The following NRROS variants were observed in gnomAD, a reference collection of about 807,000 sequenced individuals.
NRROS encodes negative regulator of reactive oxygen species, also known as transforming growth factor beta activator LRRC33.
NRROS carries 6 observed loss-of-function variants against 12.0 expected under a neutral mutation model. The observed-to-expected ratio is 0.50, with a 90% CI of 0.27 to 0.98. The LOEUF is 0.98. Ranked by LOEUF, NRROS falls within the 50% of genes least tolerant of loss-of-function variation. The probability of loss-of-function intolerance (pLI) is 0.11; values close to 1 mark genes in which losing one functional copy is unlikely to be tolerated. For missense variants in NRROS, 857 were observed against 888.2 expected (o/e 0.96, Z 0.45); for synonymous variants, 462 against 410.2 (o/e 1.13, Z -1.53).
chr3:196,661,394 G>A lies in NRROS; in HGVS notation c.1751G>A (p.Arg584Lys). ...AAGGCTGTGTCTGAGCAGCTCTCGA[G>A]AGGTCTGCGGACCATCTACCTCAGT... is the stretch of plus-strand genomic sequence containing the variant. ...PQKAVSEQLS[R>K]GLRTIYLSQN... The change falls in exon 3 of 3, where the codon AGA becomes AAA. Residue 584 changes from arginine to lysine, a missense_variant. Physicochemically the swap from Arg to Lys is conservative, Grantham distance 26 (BLOSUM62 2). Transcript: ENST00000328557. 2 of 1,570,774 alleles carry A rather than the reference G, an allele frequency of 1.3e-6. No individual in the cohort carries two copies. Among genetic ancestry groups the A allele is most frequent in the South Asian group, 1.2e-5 (1 of 83,768 alleles).
In NRROS at chr3:196,661,771, CTT is replaced by C. The variant is rs1560057528; in HGVS notation, c.*51_*52del. The C allele has an allele frequency of 6.9e-7, 1 of 1,457,130 alleles. No individual in the cohort carries two copies. The highest frequency in any genetic ancestry group is 9.2e-7 in the Non-Finnish European group (1 of 1,086,654). The allele number at this position is 1,457,130 out of a possible 1,614,324, so 90.3% of individuals were successfully genotyped here. ...AATTCGGTCCGCACACAACAGGACA[CTT>C]TCTCTGCCAGCTTTCAAGATGTGAT... is the stretch of plus-strand genomic sequence containing the variant. On this transcript the variant is annotated 3_prime_UTR_variant, in exon 3 of 3. Coordinates refer to ENST00000328557, the MANE Select transcript of NRROS (RefSeq NM_198565.3).
chr3:196,643,235 C>G (rs1000261907), intron 1 of NRROS, among the ~76,000 whole-genome samples: 4 of 152,142 alleles, frequency 2.6e-5, no homozygotes, highest in Non-Finnish European at 5.9e-5. Flanking sequence ...TAGGCGAAAC[C>G]AACCAATTTC....
In NRROS at chr3:196,654,875, C is replaced by A; in HGVS notation, c.108+228C>A. The A allele has an allele frequency of 1.9e-6, 1 of 523,432 alleles. No homozygotes were observed. Among genetic ancestry groups the A allele is most frequent in the Non-Finnish European group, 3.4e-6 (1 of 294,822 alleles). 32.4% of individuals were successfully genotyped at this position (523,432 alleles called of 1,614,324 possible). On this transcript the variant is annotated intron_variant, in intron 2 of 2. Coordinates refer to ENST00000328557, the MANE Select transcript of NRROS (RefSeq NM_198565.3). The surrounding 1 kb of genome is among the most constrained non-coding windows in gnomAD (Gnocchi z 4.4). Reference sequence around the variant, plus strand: ...CCCTGCCCCGCCGTTCTCACGCCTGCTGAGGATAGGAGGCATCCGAGACCA... The same window carrying A: ...CCCTGCCCCGCCGTTCTCACGCCTGATGAGGATAGGAGGCATCCGAGACCA...
In NRROS at chr3:196,660,330, G is replaced by A; in HGVS notation, c.687G>A (p.Arg229=). 1 of 1,614,020 alleles carries A rather than the reference G, an allele frequency of 6.2e-7. No individual in the cohort carries two copies. The highest frequency in any genetic ancestry group is 8.5e-7 in the Non-Finnish European group (1 of 1,180,018). The change falls in exon 3 of 3, where the codon CGG becomes CGA. Residue 229 remains arginine (R), a synonymous_variant. Coordinates refer to ENST00000328557, the MANE Select transcript of NRROS (RefSeq NM_198565.3). The surrounding 1 kb of genome is among the most constrained non-coding windows in gnomAD (Gnocchi z 7.7). ...CIVDFGLTRL[R]VLNVSYNVLE... ...TGGACTTCGGGCTCACGCGGCTGCG[G>A]GTCCTCAACGTCAGCTACAACGTCC...
At chr3:196,652,970 T>C (rs1239434147) in intron 1 of NRROS, among the ~76,000 whole-genome samples, 2 of 152,186 alleles carry the variant, frequency 1.3e-5, no homozygotes, top group Non-Finnish European at 2.9e-5. Context: ...TATAAGGATG[T>C]ATCTAGCATT....
At chr3:196,651,559 G>A (rs1474486734) in intron 1 of NRROS, among the ~76,000 whole-genome samples, 1 of 152,156 alleles carries the variant, frequency 6.6e-6, no homozygotes, top group Admixed American at 6.5e-5. Flanking sequence ...CTGAGGTCAT[G>A]AGATTGAGAC....
chr3:196,649,678 A>G (rs1272971948), intron 1 of NRROS, among the ~76,000 whole-genome samples: 3 of 152,052 alleles, frequency 2.0e-5, no homozygotes, highest in Non-Finnish European at 4.4e-5. Context: ...TCACTGTGTT[A>G]GCCAGGATGG....
At chr3:196,643,908 C>G (rs925167061) in intron 1 of NRROS, among the ~76,000 whole-genome samples, 1 of 152,196 alleles carries the variant, frequency 6.6e-6, no homozygotes, top group Non-Finnish European at 1.5e-5. Flanking sequence ...CAAGGCTGAG[C>G]CTTTTCCCTT....
intron 1 of NRROS, among the ~76,000 whole-genome samples, chr3:196,640,111 A>T (rs1245747590): frequency 6.6e-6 from 1 of 152,198 alleles, no homozygotes; most frequent in Non-Finnish European, 1.5e-5. Context: ...AGAGCTGAGA[A>T]AGGTGGTGCG....
chr3:196,648,557 G>A (rs139143590), intron 1 of NRROS, among the ~76,000 whole-genome samples: 8,242 of 151,854 alleles, frequency 0.054, 305 homozygotes, highest in Non-Finnish European at 0.077. Flanking sequence ...ACCTGAGGTC[G>A]GGAGTTCAAG....
At chr3:196,651,626 G>A (rs573009151) in intron 1 of NRROS, among the ~76,000 whole-genome samples, 42 of 152,242 alleles carry the variant, frequency 2.8e-4, no homozygotes, top group Admixed American at 1.6e-3. Flanking sequence ...AATTAGCCAG[G>A]CGTGGTGGCG....
intron 1 of NRROS, among the ~76,000 whole-genome samples, chr3:196,653,105 C>G (rs973946955): frequency 6.6e-6 from 1 of 152,116 alleles, no homozygotes; most frequent in Non-Finnish European, 1.5e-5. Context: ...GTCAGGAACC[C>G]GTACACCTCT....
intron 2 of NRROS, 148 bp from the exon 3 acceptor site, chr3:196,659,604 C>T (rs1439490286): frequency 4.1e-5 from 34 of 836,602 alleles, no homozygotes; most frequent in East Asian, 3.0e-4. Flanking sequence ...CCACCGTGCC[C>T]GGCCTTGTCT....
chr3:196,654,420 A>G lies in NRROS; in HGVS notation c.-13-107A>G, dbSNP rs530849376. On this transcript the variant is annotated intron_variant, in intron 1 of 2. Transcript: ENST00000328557. This position sits in a 1 kb window ranked among gnomAD's most constrained non-coding sequence, Gnocchi z 4.4. Reference sequence around the variant, plus strand: ...GCTGCACCTCTATGGAGCTCCACAGAGCTCCAAGACCACATAGAATTGGAA... The same window carrying G: ...GCTGCACCTCTATGGAGCTCCACAGGGCTCCAAGACCACATAGAATTGGAA... 1.7e-5 allele frequency: 13 copies of G among 746,678 alleles called. No individual in the cohort carries two copies. The African/African-American group carries it at 2.2e-4, about 13-fold the overall frequency. The allele number at this position is 746,678 out of a possible 1,614,324, so 46.3% of individuals were successfully genotyped here. A position where few individuals can be genotyped will look rare whatever the true frequency, so the allele number is the denominator to read the frequency against.
intron 1 of NRROS, among the ~76,000 whole-genome samples, chr3:196,644,996 G>A (rs553820334): frequency 6.5e-4 from 99 of 152,168 alleles, no homozygotes; most frequent in African/African-American, 2.3e-3. Flanking sequence ...CAGAAGGATA[G>A]ATAGATGGAT....
At chr3:196,647,913 G>T (rs988547116) in intron 1 of NRROS, among the ~76,000 whole-genome samples, 6 of 152,138 alleles carry the variant, frequency 3.9e-5, no homozygotes, top group African/African-American at 1.4e-4. Flanking sequence ...TGTTGGCCAG[G>T]CTGGTCTCGA....
intron 2 of NRROS, among the ~76,000 whole-genome samples, chr3:196,656,686 G>A (rs909852049): frequency 2.0e-5 from 3 of 152,116 alleles, no homozygotes; most frequent in African/African-American, 7.2e-5. Context: ...GTTATTCAGG[G>A]GTTACCAGGC....
At position 196,660,046 on chromosome 3, in the gene NRROS, C is replaced by T. The variant is rs951812341; in HGVS notation, c.403C>T (p.Arg135Trp). 9.9e-6 allele frequency: 16 copies of T among 1,613,114 alleles called. No homozygotes were observed. The highest frequency in any genetic ancestry group is 1.4e-5 in the Non-Finnish European group (16 of 1,179,930). Residue 135 changes from arginine (R) to tryptophan (W), a missense_variant, in exon 3 of 3, where the codon CGG becomes TGG. Transcript: ENST00000328557. The surrounding 1 kb of genome is among the most constrained non-coding windows in gnomAD (Gnocchi z 7.7). ...AAALHALPGLRRLDLSGNALT... is the reference protein window; with the variant it reads ...AAALHALPGLWRLDLSGNALT... ...CGCCCTCCACGCCCTGCCGGGCCTG[C>T]GGAGGCTGGACTTGTCAGGAAACGC...
intron 2 of NRROS, among the ~76,000 whole-genome samples, chr3:196,659,461 C>A (rs1338146288): frequency 6.6e-6 from 1 of 151,994 alleles, no homozygotes; most frequent in Non-Finnish European, 1.5e-5. Context: ...GTGTCCACCA[C>A]CACACCCGGC....
Sources: allele counts gnomAD v4.1 joint callset (sites outside exome capture counted in the v4.1 genomes callset), GRCh38; gene constraint gnomAD v4.1.1; non-coding constraint Gnocchi (gnomAD v3.1); transcripts MANE v1.5; gene names NCBI Gene and HGNC (gene_info 2026-07-23, HGNC 2026-07-21).